Variants in ANKRD17 observed in about 807,000 individuals in gnomAD.
ANKRD17 encodes ankyrin repeat domain-containing protein 17.
Under a neutral mutation model 229.7 loss-of-function variants are expected in ANKRD17, and 19 were observed. That is an observed-to-expected ratio of 0.08 (90% CI 0.06 to 0.12). The LOEUF is 0.12. ANKRD17 is among the 10% of genes least tolerant of loss of function. The probability of loss-of-function intolerance (pLI) is 1.00; values close to 1 mark genes in which losing one functional copy is unlikely to be tolerated. For missense variants in ANKRD17, 2,176 were observed against 3,176.8 expected (o/e 0.68, Z 7.57); for synonymous variants, 1,112 against 1,146.1 (o/e 0.97, Z 0.60).
At chr4:73,123,556 G>T (rs1208376552) in intron 18 of ANKRD17, among the ~76,000 whole-genome samples, 2 of 151,734 alleles carry the variant, frequency 1.3e-5, no homozygotes, top group Non-Finnish European at 2.9e-5. Flanking sequence ...AAATATAAGG[G>T]AACAAAAATT....
chr4:73,144,874 G>T, intron 10 of ANKRD17, 42 bp from the exon 11 acceptor site: 1 of 1,358,438 alleles, frequency 7.4e-7, no homozygotes, highest in Non-Finnish European at 1.0e-6. Flanking sequence ...TTAATTGCCA[G>T]TGAACAAGTA....
rs1277870296 is a variant in ANKRD17 at position 73,118,711 on chromosome 4, G to A, written c.4165C>T (p.Pro1389Ser). The A allele has an allele frequency of 4.3e-6, 7 of 1,613,932 alleles. No individual in the cohort carries two copies. The highest frequency in any genetic ancestry group is 2.2e-5 in the South Asian group (2 of 91,060). The change falls in exon 22 of 34, where the codon CCT (proline) becomes TCT (serine). Residue 1389 changes from proline to serine, a missense_variant. By Grantham distance (74) the Pro-to-Ser change is moderately conservative. Transcript: ENST00000358602. ...VDAADNRKIT[P>S]LMAAFRKGHV... ...ACCTTTCTAAATGCTGCCATAAGAG[G>A]AGTTATCTTGCGGTTATCTGCTGCA...
intron 19 of ANKRD17, 95 bp downstream of exon 19, chr4:73,121,522 G>C: frequency 7.1e-7 from 1 of 1,416,410 alleles, no homozygotes; most frequent in Non-Finnish European, 9.9e-7. Context: ...GTAATAAAGG[G>C]ATTTACTAAA....
intron 25 of ANKRD17, among the ~76,000 whole-genome samples, chr4:73,101,606 A>G (rs529759283): frequency 6.7e-6 from 1 of 149,634 alleles, no homozygotes; most frequent in Admixed American, 6.7e-5. Flanking sequence ...CGGAGGTTGC[A>G]GTGAACCGAG....
chr4:73,175,629 T>C (rs753067550), intron 2 of ANKRD17, among the ~76,000 whole-genome samples: 22 of 152,050 alleles, frequency 1.4e-4, no homozygotes, highest in African/African-American at 4.1e-4. Context: ...TAGAATACAA[T>C]AGAAAACCCA....
intron 18 of ANKRD17, among the ~76,000 whole-genome samples, chr4:73,124,390 T>C (rs1022679256): frequency 6.6e-6 from 1 of 151,960 alleles, no homozygotes; most frequent in Non-Finnish European, 1.5e-5. Context: ...CTATCAGTTG[T>C]TCTAGTTTCC....
At position 73,177,528 on chromosome 4, in the gene ANKRD17, C is replaced by T; in HGVS notation, c.399G>A (p.Glu133=). The change falls in exon 2 of 34, where the codon GAG becomes GAA. Residue 133 remains glutamate, a synonymous_variant. Transcript: ENST00000358602. ...AATCATCCTGATCCAAAATGAAAGA[C>T]TCCACCTATAAAACAAATGCAAAAA... ...DDEEEEVSEV[E]SFILDQDDLE... The T allele has an allele frequency of 6.2e-7, 1 of 1,608,190 alleles. No homozygotes were observed. Among genetic ancestry groups the T allele is most frequent in the Non-Finnish European group, 8.5e-7 (1 of 1,176,290 alleles).
intron 15 of ANKRD17, among the ~76,000 whole-genome samples, chr4:73,138,969 T>C (rs1729267232): frequency 6.6e-6 from 1 of 152,142 alleles, no homozygotes; most frequent in Admixed American, 6.5e-5. Flanking sequence ...CACATTAACA[T>C]TCACAGGGGA....
At chr4:73,196,205 T>C (rs1349183154) in intron 1 of ANKRD17, among the ~76,000 whole-genome samples, 1 of 151,664 alleles carries the variant, frequency 6.6e-6, no homozygotes, top group East Asian at 2.0e-4. Flanking sequence ...GCCATGATGG[T>C]TAGGCTGGTC....
At chr4:73,096,917 A>G (rs1325942786) in intron 27 of ANKRD17, among the ~76,000 whole-genome samples, 200 bp downstream of exon 27, 3 of 152,192 alleles carry the variant, frequency 2.0e-5, no homozygotes, top group African/African-American at 7.2e-5. Context: ...AGCAAACTCC[A>G]ATACTTTTGA....
At chr4:73,099,969 C>T (rs1219307761) in intron 25 of ANKRD17, among the ~76,000 whole-genome samples, 6 of 152,150 alleles carry the variant, frequency 3.9e-5, no homozygotes, top group Non-Finnish European at 7.4e-5. Context: ...GCTTCTGCCA[C>T]TCAGCCATTT....
chr4:73,085,114 A>AT (rs540392834), intron 30 of ANKRD17, 135 bp downstream of exon 30: 256 of 933,496 alleles, frequency 2.7e-4, no homozygotes, highest in Non-Finnish European at 4.0e-4. Context: ...ATACCTAGAA[A>AT]TTTTTTTGAA....
At chr4:73,254,496 T>C (rs1465262806) in intron 1 of ANKRD17, among the ~76,000 whole-genome samples, 2 of 152,026 alleles carry the variant, frequency 1.3e-5, no homozygotes, top group African/African-American at 4.8e-5. Context: ...CAGTGCGCAG[T>C]GTGGCTCAGA....
At chr4:73,154,814 G>A (rs1284466033) in intron 5 of ANKRD17, among the ~76,000 whole-genome samples, 1 of 152,096 alleles carries the variant, frequency 6.6e-6, no homozygotes, top group African/African-American at 2.4e-5. Flanking sequence ...GGCCGAGGCG[G>A]GCGGATCACG....
chr4:73,084,451 A>ATT (rs35710035), intron 30 of ANKRD17, among the ~76,000 whole-genome samples: 65,295 of 144,748 alleles, frequency 0.45, 14,767 homozygotes, highest in Admixed American at 0.53. Context: ...TGCAGATGAG[A>ATT]TTTTTTTTTT....
intron 1 of ANKRD17, among the ~76,000 whole-genome samples, chr4:73,228,414 G>GTTTATT (rs1172705758): frequency 6.6e-6 from 1 of 151,902 alleles, no homozygotes; most frequent in Non-Finnish European, 1.5e-5. Flanking sequence ...TACCACTATA[G>GTTTATT]TTTATTTTCT....
chr4:73,095,109 G>C (rs576456486), intron 27 of ANKRD17, among the ~76,000 whole-genome samples: 7 of 152,078 alleles, frequency 4.6e-5, no homozygotes, highest in Admixed American at 6.6e-5. Flanking sequence ...GGGAGATGGA[G>C]GTTGCTGTGG....
At chr4:73,236,231 C>T (rs948578963) in intron 1 of ANKRD17, among the ~76,000 whole-genome samples, 5 of 151,886 alleles carry the variant, frequency 3.3e-5, no homozygotes, top group Non-Finnish European at 5.9e-5. Flanking sequence ...ATCATTGCCA[C>T]TGTAACCTTA....
intron 1 of ANKRD17, among the ~76,000 whole-genome samples, chr4:73,200,258 CT>C (rs1273346127): frequency 1.3e-5 from 2 of 152,182 alleles, no homozygotes; most frequent in African/African-American, 4.8e-5. Flanking sequence ...TCCTCTTTGT[CT>C]CAGAACAGTG....
Sources: allele counts gnomAD v4.1 joint callset (sites outside exome capture counted in the v4.1 genomes callset), GRCh38; gene constraint gnomAD v4.1.1; transcripts MANE v1.5; gene names NCBI Gene and HGNC (gene_info 2026-07-23, HGNC 2026-07-21).